NUP210: variants seen among roughly 807,000 people sequenced by gnomAD.
NUP210 encodes nuclear pore membrane glycoprotein 210.
NUP210 carries 151 observed loss-of-function variants against 196.0 expected under a neutral mutation model. The ratio of observed to expected loss-of-function variants is 0.77; its 90% CI spans 0.67 to 0.88. NUP210 has a LOEUF of 0.88. Ranked by LOEUF, NUP210 falls within the 40% of genes least tolerant of loss-of-function variation. The pLI is 0.00. For missense variants in NUP210, 2,314 were observed against 2,493.7 expected, an observed-to-expected ratio of 0.93 and a Z score of 1.53; for synonymous variants, 1,070 against 1,052.7, an observed-to-expected ratio of 1.02 and a Z score of -0.32.
Position 13,336,904 on chromosome 3 carries a change from G to A in NUP210, c.3567C>T (p.Val1189=). The A allele has an allele frequency of 6.2e-7, 1 of 1,613,562 alleles. No homozygotes were observed. The highest frequency in any genetic ancestry group is 8.5e-7 in the Non-Finnish European group (1 of 1,179,736). ...MRTGTQMPIY[V]TGITNHQNPF... is the part of the protein sequence containing the mutation. ...GGTTCTGGTGGTTGGTGATGCCGGT[G>A]ACATAGATGGGCATCTGCAGGGGAG... is the stretch of plus-strand genomic sequence containing the variant. The change falls in exon 27 of 40, where the codon GTC becomes GTT. Residue 1189 remains valine, a synonymous_variant. Transcript: ENST00000254508.
rs761171565 is a variant in NUP210, at chr3:13,371,870, C to T, written c.1750G>A (p.Glu584Lys). Residue 584 changes from glutamate to lysine, a missense_variant, in exon 13 of 40, where the codon GAG becomes AAG. Physicochemically the swap from Glu to Lys is moderately conservative, Grantham distance 56. Coordinates refer to ENST00000254508, the MANE Select transcript of NUP210 (RefSeq NM_024923.4). ...SDCSHFDLAV[E>K]VENQGVFQPL... ...TGGAACACACCCTGGTTCTCCACCT[C>T]GACAGCCAAGTCAAAGTGGGAGCAG... is the stretch of plus-strand genomic sequence containing the variant. 10 of 1,610,012 alleles carry T rather than the reference C, an allele frequency of 6.2e-6. No homozygotes were observed. Among genetic ancestry groups the T allele is most frequent in the East Asian group, 2.2e-5 (1 of 44,726 alleles).
At chr3:13,380,913 A>G (rs531833658) in intron 6 of NUP210, among the ~76,000 whole-genome samples, 1 of 152,342 alleles carries the variant, frequency 6.6e-6, no homozygotes, top group South Asian at 2.1e-4. Flanking sequence ...TGGGTCCCCA[A>G]AGTGTGGTCC....
intron 4 of NUP210, among the ~76,000 whole-genome samples, chr3:13,388,750 C>G (rs1275782002): frequency 6.6e-6 from 1 of 152,236 alleles, no homozygotes; most frequent in African/African-American, 2.4e-5. Context: ...TACTAACATG[C>G]GAGACCAGCT....
At chr3:13,366,516 C>CTTTTT (rs58529748) in intron 13 of NUP210, among the ~76,000 whole-genome samples, 10 of 110,852 alleles carry the variant, frequency 9.0e-5, no homozygotes, top group Non-Finnish European at 1.6e-4. Flanking sequence ...TGATTTCTTT[C>CTTTTT]TTTTTTTTTT....
At chr3:13,325,225 T>C (rs1302984904) in intron 33 of NUP210, among the ~76,000 whole-genome samples, 1 of 152,198 alleles carries the variant, frequency 6.6e-6, no homozygotes, top group East Asian at 1.9e-4. Context: ...ACAGCTGTAT[T>C]GTCACAGGAT....
intron 14 of NUP210, among the ~76,000 whole-genome samples, chr3:13,365,674 T>C (rs908660721): frequency 6.6e-6 from 1 of 152,280 alleles, no homozygotes; most frequent in African/African-American, 2.4e-5. Flanking sequence ...CCTACCTTCG[T>C]TGGGAGAGGC....
At chr3:13,394,973 G>A (rs1348880314) in intron 3 of NUP210, among the ~76,000 whole-genome samples, 1 of 152,220 alleles carries the variant, frequency 6.6e-6, no homozygotes, top group Non-Finnish European at 1.5e-5. Context: ...CACAGTGGGC[G>A]AGGAGGGAAG....
At chr3:13,337,949 G>A (rs1416233808) in intron 25 of NUP210, 32 bp from the exon 26 acceptor site, 2 of 1,598,020 alleles carry the variant, frequency 1.3e-6, no homozygotes, top group Non-Finnish European at 1.7e-6. Context: ...TAGGTGTGGG[G>A]ATGCAGTGCT....
At chr3:13,406,698 C>T (rs1700012826) in intron 1 of NUP210, among the ~76,000 whole-genome samples, 1 of 152,192 alleles carries the variant, frequency 6.6e-6, no homozygotes, top group African/African-American at 2.4e-5. Context: ...CCCTCCCCTG[C>T]CCATCCAGTC....
At chr3:13,367,384 G>A (rs778867025) in intron 13 of NUP210, among the ~76,000 whole-genome samples, 5 of 152,164 alleles carry the variant, frequency 3.3e-5, no homozygotes, top group Non-Finnish European at 5.9e-5. Context: ...GCAGTGAGCC[G>A]AGAACGCACC....
At chr3:13,354,882 C>T (rs531052726) in intron 16 of NUP210, among the ~76,000 whole-genome samples, 6 of 152,340 alleles carry the variant, frequency 3.9e-5, no homozygotes, top group African/African-American at 9.6e-5. Flanking sequence ...GGTGATCTCT[C>T]GCTCCCCGAG....
In NUP210 at chr3:13,347,029, C is replaced by T. The variant is rs1697763902; in HGVS notation, c.2836-3726G>A. ...CAGTCTCAGGGAAAAGGTGGATGCA[C>T]CTGACTTCAGGCCCTGCAATTGCCA... is the stretch of plus-strand genomic sequence containing the variant. On this transcript the variant is annotated intron_variant, in intron 20 of 39. Transcript: ENST00000254508. This position sits in a 1 kb window ranked among gnomAD's most constrained non-coding sequence, Gnocchi z 4.7. 3.0e-6 allele frequency: 3 copies of T among 985,408 alleles called. No individual in the cohort carries two copies. The highest frequency in any genetic ancestry group is 3.6e-6 in the Non-Finnish European group (3 of 829,914). 61.0% of individuals were successfully genotyped at this position (985,408 alleles called of 1,614,324 possible).
chr3:13,405,579 A>T (rs1699979980), intron 1 of NUP210, among the ~76,000 whole-genome samples: 1 of 152,118 alleles, frequency 6.6e-6, no homozygotes, highest in Admixed American at 6.5e-5. Flanking sequence ...TATATGACAT[A>T]TATGTCCTAT....
intron 16 of NUP210, among the ~76,000 whole-genome samples, chr3:13,355,799 C>A (rs1698153579): frequency 6.6e-6 from 1 of 152,206 alleles, no homozygotes; most frequent in Non-Finnish European, 1.5e-5. Context: ...ATCCTAGGTG[C>A]TCCATGGCTC....
intron 20 of NUP210, 39 bp from the exon 21 acceptor site, chr3:13,343,342 G>GGGGGGGGGGGGGGGGGGGGGGGGC: frequency 3.0e-6 from 2 of 655,984 alleles, no homozygotes; most frequent in East Asian, 4.4e-5. Context: ...TGGGTGGTGG[G>GGGGGGGGGGGGGGGGGGGGGGGGC]TTACGCAGCT....
In NUP210 at chr3:13,360,314, G is replaced by A; in HGVS notation, c.2110C>T (p.Gln704Ter). 1 of 1,614,224 alleles carries A rather than the reference G, an allele frequency of 6.2e-7. No individual in the cohort carries two copies. The highest frequency in any genetic ancestry group is 8.5e-7 in the Non-Finnish European group (1 of 1,180,042). ...LFAPHSSRNYQQHWILVTCQA... is the reference protein window; with the variant it reads ...LFAPHSSRNY The stretch of plus-strand genomic sequence containing the variant: ...CAGGTCACAAGGATCCAGTGTTGCT[G>A]ATAATTCCGGGAGGAATGGGGGGCA... The change falls in exon 15 of 40, where the codon CAG becomes TAG. Residue 704 changes from glutamine to a stop codon, truncating the protein, a stop_gained. Transcript: ENST00000254508. LOFTEE classifies it high-confidence loss of function.
intron 1 of NUP210, among the ~76,000 whole-genome samples, chr3:13,410,160 C>CTAT (rs1700120917): frequency 6.6e-6 from 1 of 151,110 alleles, no homozygotes; most frequent in African/African-American, 2.4e-5. Flanking sequence ...CTGTGCCCAG[C>CTAT]TATTACTGAT....
chr3:13,329,032 G>T, intron 30 of NUP210, 86 bp from the exon 31 acceptor site: 1 of 1,177,422 alleles, frequency 8.5e-7, no homozygotes, highest in Non-Finnish European at 1.2e-6. Flanking sequence ...GGGGACACCT[G>T]CCCCCAGCAG....
intron 12 of NUP210, among the ~76,000 whole-genome samples, chr3:13,372,891 C>A (rs1280746241): frequency 6.6e-6 from 1 of 152,170 alleles, no homozygotes; most frequent in Non-Finnish European, 1.5e-5. Context: ...AACAGTGGCA[C>A]AAGGGGAAAC....
Sources: allele counts gnomAD v4.1 joint callset (sites outside exome capture counted in the v4.1 genomes callset), GRCh38; gene constraint gnomAD v4.1.1; non-coding constraint Gnocchi (gnomAD v3.1); transcripts MANE v1.5; gene names NCBI Gene and HGNC (gene_info 2026-07-23, HGNC 2026-07-21).